Variants in SPI1 observed in about 807,000 individuals in gnomAD.
The protein encoded by SPI1 is Spi-1 proto-oncogene.
In SPI1, 3 loss-of-function variants were observed where a neutral mutation model predicts 30.7. The ratio of observed to expected loss-of-function variants is 0.10; its 90% CI spans 0.04 to 0.25. The LOEUF (loss-of-function observed/expected upper bound fraction) is 0.25, where lower values mean the gene tolerates loss of function less well. SPI1 is among the 10% of genes least tolerant of loss of function. The probability of loss-of-function intolerance (pLI) is 1.00; values close to 1 mark genes in which losing one functional copy is unlikely to be tolerated. For synonymous variants in SPI1, 169 were observed against 157.1 expected (o/e 1.08, Z -0.56); for missense variants, 261 against 371.5 (o/e 0.70, Z 2.45).
At chr11:47,373,464 A>G (rs1334765547) in intron 2 of SPI1, among the ~76,000 whole-genome samples, 5 of 152,054 alleles carry the variant, frequency 3.3e-5, no homozygotes, top group Admixed American at 1.3e-4. Flanking sequence ...CCTGGCCAAC[A>G]TGGTAAAACC....
At chr11:47,363,534 C>A (rs1595859179) in intron 2 of SPI1, among the ~76,000 whole-genome samples, 2 of 151,928 alleles carry the variant, frequency 1.3e-5, no homozygotes, top group South Asian at 2.1e-4. Flanking sequence ...AAAAAAAAAT[C>A]TCTTTTTAAA....
intron 2 of SPI1, among the ~76,000 whole-genome samples, chr11:47,368,334 C>T (rs2095931288): frequency 6.6e-6 from 1 of 152,120 alleles, no homozygotes; most frequent in Non-Finnish European, 1.5e-5. Flanking sequence ...CACTCCACTC[C>T]AGCCTGGGTG....
chr11:47,359,318 G>A lies in SPI1; in HGVS notation c.331-312C>T, dbSNP rs913695264. ...CCCTGCAGCGGTGCTGTGTGGACCCGCATTAGGCTGGGGTCAGAAGAGGGC... is the reference window on the plus strand; with the variant it reads ...CCCTGCAGCGGTGCTGTGTGGACCCACATTAGGCTGGGGTCAGAAGAGGGC... On this transcript the variant is annotated intron_variant, in intron 3 of 4. Transcript: ENST00000378538. This position sits in a 1 kb window ranked among gnomAD's most constrained non-coding sequence, Gnocchi z 5.1. Among the ~76,000 whole-genome samples the A allele has an allele frequency of 3.3e-5, 5 of 152,174 alleles. No homozygotes were observed. Among genetic ancestry groups the A allele is most frequent in the Admixed American group, 2.0e-4 (3 of 15,290 alleles).
chr11:47,365,543 T>G (rs2095926921), intron 2 of SPI1, among the ~76,000 whole-genome samples: 1 of 152,180 alleles, frequency 6.6e-6, no homozygotes, highest in South Asian at 2.1e-4. Flanking sequence ...TCAGAGAAGT[T>G]AAGTCCTTTG....
chr11:47,366,245 C>G (rs973381224), intron 2 of SPI1, among the ~76,000 whole-genome samples: 1 of 152,166 alleles, frequency 6.6e-6, no homozygotes, highest in Non-Finnish European at 1.5e-5. Flanking sequence ...AAAGTCCTAC[C>G]CACACATCCC....
Position 47,375,302 on chromosome 11 carries a change from G to T in SPI1, c.142+331C>A, listed in dbSNP as rs2095940800. On this transcript the variant is annotated intron_variant, in intron 2 of 4. Transcript: ENST00000378538. The surrounding 1 kb of genome is among the most constrained non-coding windows in gnomAD (Gnocchi z 4.2). The stretch of plus-strand genomic sequence containing the variant: ...ACAGGACCTGGAGCGGACAGACCTG[G>T]GTTCCACCCAGCAGCCGTGTGACCT... Among the ~76,000 whole-genome samples the T allele has an allele frequency of 6.6e-6, 1 of 152,204 alleles. No homozygotes were observed. The highest frequency in any genetic ancestry group is 2.4e-5 in the African/African-American group (1 of 41,452).
chr11:47,377,318 C>G (rs1449811390), intron 1 of SPI1, among the ~76,000 whole-genome samples: 1 of 152,128 alleles, frequency 6.6e-6, no homozygotes, highest in African/African-American at 2.4e-5. Flanking sequence ...GCCTCTAGAC[C>G]AGGAAAGTGG....
chr11:47,371,667 TA>T (rs202084665), intron 2 of SPI1, among the ~76,000 whole-genome samples: 3,582 of 138,384 alleles, frequency 0.026, 122 homozygotes, highest in African/African-American at 0.076. Context: ...AACTCCGTCT[TA>T]AAAAAAAAAA....
At chr11:47,369,498 T>A (rs1468683378) in intron 2 of SPI1, among the ~76,000 whole-genome samples, 4 of 145,002 alleles carry the variant, frequency 2.8e-5, no homozygotes, top group Non-Finnish European at 6.0e-5. Context: ...CTCAGTTGAA[T>A]CATGAGACAT....
intron 2 of SPI1, among the ~76,000 whole-genome samples, chr11:47,362,271 A>G (rs2095921899): frequency 6.6e-6 from 1 of 152,108 alleles, no homozygotes; most frequent in Non-Finnish European, 1.5e-5. Context: ...ATAATAGTTT[A>G]TTCTAAAGAG....
At chr11:47,369,588 AC>A (rs1436360241) in intron 2 of SPI1, among the ~76,000 whole-genome samples, 1 of 152,050 alleles carries the variant, frequency 6.6e-6, no homozygotes, top group Non-Finnish European at 1.5e-5. Flanking sequence ...AATGAAACAA[AC>A]AAAAAGCTAG....
Position 47,359,161 on chromosome 11 carries a change from G to C in SPI1, c.331-155C>G, listed in dbSNP as rs1222728449. Reference sequence around the variant, plus strand: ...AGGAAGAAGACCAGGGAAAAGGGGGGCCAGTTGAGGTGCTGCACATAGGGT... The same window carrying C: ...AGGAAGAAGACCAGGGAAAAGGGGGCCCAGTTGAGGTGCTGCACATAGGGT... On this transcript the variant is annotated intron_variant, in intron 3 of 4. Transcript: ENST00000378538. The surrounding 1 kb of genome is among the most constrained non-coding windows in gnomAD (Gnocchi z 5.1). Among the ~76,000 whole-genome samples the C allele has an allele frequency of 6.6e-6, 1 of 152,038 alleles. No homozygotes were observed. The highest frequency in any genetic ancestry group is 1.5e-5 in the Non-Finnish European group (1 of 68,012).
intron 4 of SPI1, chr11:47,358,065 A>G (rs1404756701): frequency 1.2e-5 from 2 of 171,184 alleles, no homozygotes; most frequent in Non-Finnish European, 2.6e-5. Context: ...ACATGCACAG[A>G]CCTGCTCACA....
intron 2 of SPI1, among the ~76,000 whole-genome samples, chr11:47,365,770 C>A (rs2142890095): frequency 6.6e-6 from 1 of 152,272 alleles, no homozygotes; most frequent in East Asian, 1.9e-4. Flanking sequence ...GATCTCGGCT[C>A]ACTGCAACCT....
At chr11:47,369,816 A>G (rs1465532793) in intron 2 of SPI1, among the ~76,000 whole-genome samples, 2 of 152,216 alleles carry the variant, frequency 1.3e-5, no homozygotes, top group Non-Finnish European at 2.9e-5. Context: ...CATCACCACC[A>G]CAACAAAAAC....
chr11:47,356,881 G>A (rs543646832), intron 4 of SPI1, among the ~76,000 whole-genome samples: 51 of 124,614 alleles, frequency 4.1e-4, no homozygotes, highest in African/African-American at 1.5e-3. Context: ...ACATTACTCA[G>A]CTACACACAC....
intron 2 of SPI1, among the ~76,000 whole-genome samples, chr11:47,367,635 GA>G (rs1423994426): frequency 3.5e-5 from 5 of 142,632 alleles, no homozygotes; most frequent in East Asian, 2.1e-4. Context: ...AAAAAAGAAA[GA>G]AAAAAAGAAA....
At chr11:47,358,561 C>G in intron 4 of SPI1, 1 of 699,492 alleles carries the variant, frequency 1.4e-6, no homozygotes, top group Non-Finnish European at 2.6e-6. Flanking sequence ...CACGCACCCT[C>G]TGCACACTTG....
At chr11:47,357,622 A>G (rs1473763042) in intron 4 of SPI1, among the ~76,000 whole-genome samples, 1 of 152,082 alleles carries the variant, frequency 6.6e-6, no homozygotes, top group African/African-American at 2.4e-5. Context: ...CTGGAGTGCA[A>G]TGGCACGATC....
Sources: gnomAD v4.1 joint callset for allele counts (sites outside exome capture counted in the v4.1 genomes callset) on GRCh38, gnomAD v4.1.1 for gene constraint, Gnocchi (gnomAD v3.1) non-coding constraint, MANE v1.5 for transcripts, NCBI Gene and HGNC (gene_info 2026-07-23, HGNC 2026-07-21) for gene names.